Variants in SLC9A3 observed in about 807,000 individuals in gnomAD.
SLC9A3 encodes the protein sodium/hydrogen exchanger 3.
Under a neutral mutation model 86.8 loss-of-function variants are expected in SLC9A3, and 37 were observed. The observed-to-expected ratio is 0.43, with a 90% CI of 0.33 to 0.56. The LOEUF (loss-of-function observed/expected upper bound fraction) is 0.56. Among genes scored for constraint, SLC9A3 ranks in the 20% least tolerant of loss-of-function variants. The pLI, the probability that SLC9A3 is intolerant of heterozygous loss-of-function variation, is 0.06. For synonymous variants in SLC9A3, 581 were observed against 528.3 expected (o/e 1.10, Z -1.37); for missense variants, 1,011 against 1,171.9 (o/e 0.86, Z 2.00).
chr5:509,965 G>A (rs1047404042), intron 1 of SLC9A3, among the ~76,000 whole-genome samples: 10 of 152,226 alleles, frequency 6.6e-5, no homozygotes, highest in Non-Finnish European at 1.3e-4. Context: ...CCCACACTCA[G>A]CTGGCTTCCC....
intron 3 of SLC9A3, among the ~76,000 whole-genome samples, chr5:486,252 C>T (rs901792963): frequency 2.0e-5 from 3 of 147,110 alleles, no homozygotes; most frequent in South Asian, 4.3e-4. Context: ...CAGCACGGGG[C>T]GGGGGCAGTG....
Position 472,113 on chromosome 5 carries a change from G to A in SLC9A3, c.*1266C>T, listed in dbSNP as rs1292304385. The stretch of plus-strand genomic sequence containing the variant: ...CTGTGGGACTTGCCGTCTGAGGGAT[G>A]GATGGACTCCGAGCACCCTCCCCGG... On this transcript the variant is annotated 3_prime_UTR_variant, in exon 17 of 17. Coordinates refer to ENST00000264938, the MANE Select transcript of SLC9A3 (RefSeq NM_004174.4). The A allele has an allele frequency of 1.7e-5, 7 of 411,574 alleles. No homozygotes were observed. In the Admixed American group the frequency reaches 1.9e-4, roughly 11 times the overall value. The allele number at this position is 411,574 out of a possible 1,614,324, so 25.5% of individuals were successfully genotyped here.
At chr5:502,553 T>C (rs897008868) in intron 1 of SLC9A3, among the ~76,000 whole-genome samples, 72 of 152,196 alleles carry the variant, frequency 4.7e-4, no homozygotes, top group Admixed American at 1.7e-3. Context: ...AGTGGGAATG[T>C]GGCCCAGCTC....
At chr5:486,397 TG>T (rs1739474308) in intron 3 of SLC9A3, among the ~76,000 whole-genome samples, 1 of 152,236 alleles carries the variant, frequency 6.6e-6, no homozygotes, top group African/African-American at 2.4e-5. Context: ...TTGATGGGAT[TG>T]GCTTTGAAAC....
rs1738355177 is a variant in SLC9A3 at position 471,491 on chromosome 5, G to T, written c.*1888C>A. The T allele has an allele frequency of 2.9e-6, 1 of 343,536 alleles. No individual in the cohort carries two copies. The highest frequency in any genetic ancestry group is 4.0e-5 in the Admixed American group (1 of 24,732). 21.3% of individuals were successfully genotyped at this position (343,536 alleles called of 1,614,324 possible). A position where few individuals can be genotyped will look rare whatever the true frequency, so the allele number is the denominator to read the frequency against. Reference sequence around the variant, plus strand: ...GGAAACCTCCCAGCAGTTCAGATGGGACAAACTGGGGGCCTGTCAGAACAG... The same window carrying T: ...GGAAACCTCCCAGCAGTTCAGATGGTACAAACTGGGGGCCTGTCAGAACAG... On this transcript the variant is annotated 3_prime_UTR_variant, in exon 17 of 17. Transcript: ENST00000264938.
At chr5:519,510 C>T (rs572687876) in intron 1 of SLC9A3, among the ~76,000 whole-genome samples, 1 of 152,326 alleles carries the variant, frequency 6.6e-6, no homozygotes, top group Admixed American at 6.5e-5. Flanking sequence ...TGGAAGGCTG[C>T]ACCTGGGAGA....
chr5:475,029 C>G lies in SLC9A3; in HGVS notation c.2355G>C (p.Gln785His). Residue 785 changes from glutamine to histidine, a missense_variant, in exon 16 of 17, where the codon CAG becomes CAC. By Grantham distance (24) the Gln-to-His change is conservative. Coordinates refer to ENST00000264938, the MANE Select transcript of SLC9A3 (RefSeq NM_004174.4). ...AGTAGGGAATCTGCGTGCGGGCCCT[C>G]TGCGAGGGGACCACCGTCTCCCCGG... Reference protein sequence around the residue: ...LSPGETVVPSQRARTQIPYSP... With the variant: ...LSPGETVVPSHRARTQIPYSP... 1 of 1,612,248 alleles carries G rather than the reference C, an allele frequency of 6.2e-7. No individual in the cohort carries two copies. Among genetic ancestry groups the G allele is most frequent in the Non-Finnish European group, 8.5e-7 (1 of 1,179,732 alleles).
chr5:490,698 C>T (rs1042010866), intron 2 of SLC9A3, among the ~76,000 whole-genome samples: 6 of 152,248 alleles, frequency 3.9e-5, no homozygotes, highest in Non-Finnish European at 8.8e-5. Context: ...GGAGTCTCTG[C>T]TACAACCCCT....
At chr5:479,791 G>T in intron 10 of SLC9A3, 45 bp downstream of exon 10, 2 of 1,606,140 alleles carry the variant, frequency 1.2e-6, no homozygotes, top group South Asian at 1.1e-5. Flanking sequence ...GCCAGTGCCA[G>T]AGCCTGCTGC....
intron 9 of SLC9A3, 116 bp from the exon 10 acceptor site, chr5:480,081 G>C: frequency 8.3e-7 from 1 of 1,210,172 alleles, no homozygotes; most frequent in South Asian, 1.4e-5. Context: ...CCCTGTAGGC[G>C]CGTTTAAAAT....
intron 1 of SLC9A3, among the ~76,000 whole-genome samples, chr5:517,565 T>C (rs914467681): frequency 6.7e-6 from 1 of 149,886 alleles, no homozygotes; most frequent in Admixed American, 6.6e-5. Flanking sequence ...CACCCATCCA[T>C]CCATTCACCC....
In SLC9A3 at chr5:495,356, T is replaced by C. The variant is rs143561663; in HGVS notation, c.212-3285A>G. 3.2e-3 allele frequency among the ~76,000 whole-genome samples: 476 copies of C among 148,290 alleles called. 4 individuals are homozygous for C. Among genetic ancestry groups the C allele is most frequent in the Non-Finnish European group, 5.5e-3 (363 of 66,516 alleles). On this transcript the variant is annotated intron_variant, in intron 1 of 16. Coordinates refer to ENST00000264938, the MANE Select transcript of SLC9A3 (RefSeq NM_004174.4). ...GTCTTTAAAAACAACAACGCAACTCTGTGCCCTGGGGACTCACAGTGCTCC... is the reference window on the plus strand; with the variant it reads ...GTCTTTAAAAACAACAACGCAACTCCGTGCCCTGGGGACTCACAGTGCTCC...
intron 1 of SLC9A3, among the ~76,000 whole-genome samples, chr5:509,422 G>A (rs1740776673): frequency 6.7e-6 from 1 of 149,852 alleles, no homozygotes; most frequent in Admixed American, 6.7e-5. Context: ...CCACTGCACT[G>A]CAGCCTGGGC....
At chr5:510,142 G>A (rs1000721743) in intron 1 of SLC9A3, among the ~76,000 whole-genome samples, 6 of 152,364 alleles carry the variant, frequency 3.9e-5, no homozygotes, top group South Asian at 2.1e-4. Flanking sequence ...GGCGGAGCGC[G>A]GCAGCTTGTT....
intron 1 of SLC9A3, among the ~76,000 whole-genome samples, chr5:504,766 T>G (rs897722355): frequency 1.3e-5 from 2 of 152,270 alleles, no homozygotes; most frequent in East Asian, 3.9e-4. Flanking sequence ...CGTGCCCAGC[T>G]CCTGGCCGGC....
chr5:482,646 A>G lies in SLC9A3; in HGVS notation c.1258T>C (p.Phe420Leu). ...CCATCCAGAAGCACCACCAGGGCAA[A>G]GGCCACGGCCCCGCGCAGGCCCCCG... The part of the protein sequence containing the change: ...SYGGLRGAVA[F>L]ALVVLLDGDK... The change falls in exon 7 of 17, where the codon TTT (phenylalanine) becomes CTT (leucine). Residue 420 changes from phenylalanine (F) to leucine (L), a missense_variant. By Grantham distance (22) the Phe-to-Leu change is conservative (BLOSUM62 0). This residue lies in a region of SLC9A3 where 565 missense variants were observed against 790.0 expected (regional missense o/e 0.72). Coordinates refer to ENST00000264938, the MANE Select transcript of SLC9A3 (RefSeq NM_004174.4). 1 of 1,612,708 alleles carries G rather than the reference A, an allele frequency of 6.2e-7. No homozygotes were observed. The highest frequency in any genetic ancestry group is 2.2e-5 in the East Asian group (1 of 44,846).
chr5:506,866 G>T (rs893829965), intron 1 of SLC9A3, among the ~76,000 whole-genome samples: 2 of 147,786 alleles, frequency 1.4e-5, no homozygotes, highest in South Asian at 2.2e-4. Flanking sequence ...ATGAGATCGA[G>T]ACCAGCCTGG....
chr5:473,173 C>T lies in SLC9A3; in HGVS notation c.*206G>A. 1 of 469,710 alleles carries T rather than the reference C, an allele frequency of 2.1e-6. No individual in the cohort carries two copies. Among genetic ancestry groups the T allele is most frequent in the Non-Finnish European group, 3.3e-6 (1 of 305,774 alleles). 29.1% of individuals were successfully genotyped at this position (469,710 alleles called of 1,614,324 possible). ...CCCGCCCCCGGCGCAGGCCCCGCCCCCGGCTCGCCCTCGGGCGGCTCTGCG... is the reference window on the plus strand; with the variant it reads ...CCCGCCCCCGGCGCAGGCCCCGCCCTCGGCTCGCCCTCGGGCGGCTCTGCG... On this transcript the variant is annotated 3_prime_UTR_variant, in exon 17 of 17. Coordinates refer to ENST00000264938, the MANE Select transcript of SLC9A3 (RefSeq NM_004174.4).
At chr5:521,322 G>A (rs1397478024) in intron 1 of SLC9A3, among the ~76,000 whole-genome samples, 1 of 152,244 alleles carries the variant, frequency 6.6e-6, no homozygotes, top group African/African-American at 2.4e-5. Flanking sequence ...CCCAGCCCCA[G>A]TGTTTGCTTG....
Sources: gnomAD v4.1 joint callset for allele counts (sites outside exome capture counted in the v4.1 genomes callset) on GRCh38, gnomAD v4.1.1 for gene constraint, gnomAD v4.1.1 regional missense constraint, MANE v1.5 for transcripts, NCBI Gene and HGNC (gene_info 2026-07-23, HGNC 2026-07-21) for gene names.